The following ACTR3C variants were observed in gnomAD, a reference collection of about 807,000 sequenced individuals.
ACTR3C encodes the protein actin related protein 3C.
In ACTR3C, 18 loss-of-function variants were observed where a neutral mutation model predicts 26.3. The ratio of observed to expected loss-of-function variants is 0.68; its 90% CI spans 0.47 to 1.01. The LOEUF is 1.01. Among genes scored for constraint, ACTR3C ranks in the 50% least tolerant of loss-of-function variants. ACTR3C has a pLI of 0.00. For synonymous variants in ACTR3C, 55 were observed against 94.5 expected, an observed-to-expected ratio of 0.58 and a Z score of 2.42; for missense variants, 184 against 250.7, an observed-to-expected ratio of 0.73 and a Z score of 1.80.
the ACTR3C span, among the ~76,000 whole-genome samples, chr7:150,211,578 GC>G: frequency 6.7e-6 from 1 of 149,366 alleles, no homozygotes; most frequent in Admixed American, 6.6e-5. Context: ...ACCATGCCCG[GC>G]CCATGGTTCT....
intron 6 of ACTR3C, among the ~76,000 whole-genome samples, chr7:150,251,052 C>A (rs1316202666): frequency 1.3e-5 from 2 of 152,100 alleles, no homozygotes; most frequent in African/African-American, 4.8e-5. Flanking sequence ...CTATTTTTTG[C>A]TGGTGTACCC....
chr7:150,048,818 C>T, the ACTR3C span, among the ~76,000 whole-genome samples: 9 of 152,142 alleles, frequency 5.9e-5, no homozygotes, highest in Non-Finnish European at 7.4e-5. Flanking sequence ...CGCCCTCCCT[C>T]CACAGCCCAG....
chr7:150,206,406 T>A, the ACTR3C span, among the ~76,000 whole-genome samples: 23 of 152,154 alleles, frequency 1.5e-4, no homozygotes, highest in East Asian at 3.1e-3. Context: ...GGTGGGGTTT[T>A]TTTTATTTTA....
At chr7:150,224,064 G>A in the ACTR3C span, among the ~76,000 whole-genome samples, 1 of 152,210 alleles carries the variant, frequency 6.6e-6, no homozygotes, top group African/African-American at 2.4e-5. Flanking sequence ...CACTCAAGAA[G>A]AGCCAGAGAG....
chr7:150,035,340 G>T, the ACTR3C span, among the ~76,000 whole-genome samples: 4 of 56,100 alleles, frequency 7.1e-5, 1 homozygote, highest in Middle Eastern at 0.01. Context: ...CGGAAGAGGG[G>T]ATAGCTCTCA....
chr7:150,234,176 T>C, the ACTR3C span, among the ~76,000 whole-genome samples: 3 of 152,126 alleles, frequency 2.0e-5, no homozygotes, highest in Non-Finnish European at 2.9e-5. Flanking sequence ...GGTGAGAAGG[T>C]TGGCATAGGG....
the ACTR3C span, among the ~76,000 whole-genome samples, chr7:150,232,319 C>G: frequency 6.6e-6 from 1 of 152,048 alleles, no homozygotes; most frequent in African/African-American, 2.4e-5. Context: ...CTATGAACAC[C>G]TTTGTCTTCA....
chr7:150,038,490 C>A, the ACTR3C span, among the ~76,000 whole-genome samples: 4 of 143,868 alleles, frequency 2.8e-5, no homozygotes, highest in Non-Finnish European at 6.1e-5. Context: ...TGACCTCATA[C>A]AAAGGCTTGG....
At chr7:150,099,823 C>T in the ACTR3C span, among the ~76,000 whole-genome samples, 1 of 151,478 alleles carries the variant, frequency 6.6e-6, no homozygotes, top group Non-Finnish European at 1.5e-5. Flanking sequence ...TGGAGTCCAT[C>T]AGTGCCCAGC....
In ACTR3C at chr7:150,321,631, T is replaced by C. The variant is rs971942885; in HGVS notation, c.-52+1838A>G. ...GGTTCACGCCTGTAGTCTTAGCTAC[T>C]TGGGAGACTGAGGCAGGAGAATCGC... On this transcript the variant is annotated intron_variant, in intron 1 of 7. Coordinates refer to ENST00000683684, the MANE Select transcript of ACTR3C (RefSeq NM_001164458.2). Among the ~76,000 whole-genome samples the C allele has an allele frequency of 2.6e-5, 4 of 152,070 alleles. No homozygotes were observed. In the South Asian group the frequency reaches 6.2e-4, roughly 24 times the overall value.
At chr7:150,052,749 A>G in the ACTR3C span, among the ~76,000 whole-genome samples, 1 of 104,172 alleles carries the variant, frequency 9.6e-6, no homozygotes, top group African/African-American at 3.3e-5. Context: ...ACCTCATCCC[A>G]TGTTTTCTCT....
intron 1 of ACTR3C, among the ~76,000 whole-genome samples, chr7:150,310,287 C>T (rs919216936): frequency 6.6e-6 from 1 of 152,124 alleles, no homozygotes; most frequent in African/African-American, 2.4e-5. Flanking sequence ...CGACCATGCA[C>T]CCCTTACCAT....
At chr7:150,140,004 T>TCA in the ACTR3C span, among the ~76,000 whole-genome samples, 8 of 151,624 alleles carry the variant, frequency 5.3e-5, no homozygotes, top group East Asian at 1.9e-4. Context: ...GCACACACAT[T>TCA]CACACACACA....
the ACTR3C span, among the ~76,000 whole-genome samples, chr7:150,237,804 C>T: frequency 6.6e-6 from 1 of 151,228 alleles, no homozygotes; most frequent in Non-Finnish European, 1.5e-5. Context: ...CTTTTTCATA[C>T]CCTAGAAGTC....
the ACTR3C span, chr7:149,891,020 C>T: frequency 1.3e-6 from 1 of 798,444 alleles, no homozygotes. Context: ...GCTAACAAGC[C>T]CCTTTTTGTT....
chr7:150,133,160 C>A, the ACTR3C span, among the ~76,000 whole-genome samples: 1 of 152,164 alleles, frequency 6.6e-6, no homozygotes, highest in Non-Finnish European at 1.5e-5. Context: ...AGCTCTCATG[C>A]TCCCAACAGG....
the ACTR3C span, among the ~76,000 whole-genome samples, chr7:150,207,483 C>T: frequency 5.3e-5 from 8 of 152,024 alleles, no homozygotes; most frequent in Non-Finnish European, 1.2e-4. Flanking sequence ...AAGCACGGAT[C>T]GATGCTTGCT....
rs1233677612 is a variant in ACTR3C at position 150,309,168 on chromosome 7, T to C, written c.-51-13821A>G. ...CCAGGTATAGCTAGGTGAGATTACA[T>C]GGTCTCTTGCCTAGTTGAAGGGCTA... On this transcript the variant is annotated intron_variant, in intron 1 of 7. Transcript: ENST00000683684. Among the ~76,000 whole-genome samples the C allele has an allele frequency of 2.6e-5, 4 of 152,004 alleles. No individual in the cohort carries two copies. In the East Asian group the frequency reaches 7.7e-4, roughly 29 times the overall value.
chr7:150,149,061 G>T, the ACTR3C span, among the ~76,000 whole-genome samples: 1 of 117,238 alleles, frequency 8.5e-6, no homozygotes, highest in Non-Finnish European at 1.7e-5. Flanking sequence ...CACTCTCTTG[G>T]TTACGAATAA....
Sources: allele counts gnomAD v4.1 joint callset (sites outside exome capture counted in the v4.1 genomes callset), GRCh38; gene constraint gnomAD v4.1.1; transcripts MANE v1.5; gene names NCBI Gene and HGNC (gene_info 2026-07-23, HGNC 2026-07-21).